The following PCDHGA1 variants were observed in gnomAD, a reference collection of about 807,000 sequenced individuals.
PCDHGA1 encodes the protein protocadherin gamma-A1.
Under a neutral mutation model 58.0 loss-of-function variants are expected in PCDHGA1, and 32 were observed. That is an observed-to-expected ratio of 0.55 (90% CI 0.42 to 0.74). PCDHGA1 has a LOEUF of 0.74. Among genes scored for constraint, PCDHGA1 ranks in the 30% least tolerant of loss-of-function variants. The pLI, the probability that PCDHGA1 is intolerant of heterozygous loss-of-function variation, is 0.00. For synonymous variants in PCDHGA1, 498 were observed against 501.1 expected (o/e 0.99, Z 0.08); for missense variants, 1,205 against 1,182.3 (o/e 1.02, Z -0.28).
rs750919254 is a variant in PCDHGA1 at position 141,340,715 on chromosome 5, G to A, written c.2421+7610G>A. 9.9e-6 allele frequency: 16 copies of A among 1,613,914 alleles called. No homozygotes were observed. The East Asian group carries it at 2.9e-4, about 29-fold the overall frequency. ...TGGCGTGGAGCTGGCGCCCCGCTCC[G>A]CAGAGCCCGGCTACCTGGTGACCAA... On this transcript the variant is annotated intron_variant, in intron 1 of 3. Coordinates refer to ENST00000517417, the MANE Select transcript of PCDHGA1 (RefSeq NM_018912.3).
chr5:141,492,632 C>G (rs1359761285), intron 1 of PCDHGA1, among the ~76,000 whole-genome samples: 1 of 152,256 alleles, frequency 6.6e-6, no homozygotes, highest in Non-Finnish European at 1.5e-5. Flanking sequence ...CAGGACTCTA[C>G]GATCCTTGGG....
Position 141,405,169 on chromosome 5 carries a change from C to G in PCDHGA1, c.2421+72064C>G, listed in dbSNP as rs377298438. 12 of 1,614,004 alleles carry G rather than the reference C, an allele frequency of 7.4e-6. No homozygotes were observed. The African/African-American group carries it at 1.6e-4, about 22-fold the overall frequency. On this transcript the variant is annotated intron_variant, in intron 1 of 3. Coordinates refer to ENST00000517417, the MANE Select transcript of PCDHGA1 (RefSeq NM_018912.3). ...GGTTGGCTGGTGTGCCCACCTCACA[C>G]TTTGTGGGTGTAGATGGGGTTCGAG...
intron 1 of PCDHGA1, chr5:141,441,945 G>A: frequency 3.0e-6 from 1 of 333,884 alleles, no homozygotes; most frequent in Non-Finnish European, 5.8e-6. Flanking sequence ...ACCACGTGCT[G>A]CAGGCCAGCA....
At chr5:141,364,533 C>T (rs1296809092) in intron 1 of PCDHGA1, 2 of 1,614,094 alleles carry the variant, frequency 1.2e-6, no homozygotes, top group Non-Finnish European at 1.7e-6. Flanking sequence ...CGCATCGTCT[C>T]CAGAGGTAGG....
intron 1 of PCDHGA1, chr5:141,392,860 T>C (rs726684): frequency 6.2e-7 from 1 of 1,612,118 alleles, no homozygotes; most frequent in Non-Finnish European, 8.5e-7. Flanking sequence ...CTGATCCTGC[T>C]GTGCGCGCTG....
At chr5:141,414,061 T>C in intron 1 of PCDHGA1, 1 of 1,609,248 alleles carries the variant, frequency 6.2e-7, no homozygotes, top group Non-Finnish European at 8.5e-7. Flanking sequence ...ATTGTTGAAG[T>C]TCCAACTAAA....
At chr5:141,371,656 C>T (rs772257649) in intron 1 of PCDHGA1, 6 of 1,613,886 alleles carry the variant, frequency 3.7e-6, no homozygotes, top group African/African-American at 1.3e-5. Context: ...TACAATGTGA[C>T]GATCACAGCT....
chr5:141,498,509 C>T (rs2099784058), intron 2 of PCDHGA1, among the ~76,000 whole-genome samples: 1 of 151,740 alleles, frequency 6.6e-6, no homozygotes, highest in East Asian at 1.9e-4. Flanking sequence ...TCCCTCCCCA[C>T]CATCTTGCCC....
intron 1 of PCDHGA1, chr5:141,409,742 G>T (rs763304955): frequency 5.0e-6 from 8 of 1,612,988 alleles, no homozygotes; most frequent in African/African-American, 1.3e-5. Flanking sequence ...GAGCGGGGTG[G>T]TGTTCGCGCA....
chr5:141,387,491 A>C (rs1049616816), intron 1 of PCDHGA1, among the ~76,000 whole-genome samples: 1 of 152,240 alleles, frequency 6.6e-6, no homozygotes, highest in African/African-American at 2.4e-5. Flanking sequence ...GGCATTCCTA[A>C]GAGTACATTT....
intron 3 of PCDHGA1, 61 bp downstream of exon 3, chr5:141,505,542 A>C: frequency 2.6e-5 from 42 of 1,604,950 alleles, no homozygotes; most frequent in Non-Finnish European, 3.2e-5. Flanking sequence ...GGTGCATCTC[A>C]CAGCCACCAT....
chr5:141,490,869 A>G lies in PCDHGA1; in HGVS notation c.2422-3938A>G, dbSNP rs764138126. ...GGGTTCGAGACTCCGGCTCTCCCCCATTGCATGCCAACACATCTCTGCATG... is the reference window on the plus strand; with the variant it reads ...GGGTTCGAGACTCCGGCTCTCCCCCGTTGCATGCCAACACATCTCTGCATG... On this transcript the variant is annotated intron_variant, in intron 1 of 3. Transcript: ENST00000517417. This position sits in a 1 kb window ranked among gnomAD's most constrained non-coding sequence, Gnocchi z 5.4. 4.3e-6 allele frequency: 7 copies of G among 1,613,784 alleles called. No homozygotes were observed. The highest frequency in any genetic ancestry group is 1.7e-5 in the Admixed American group (1 of 60,004).
In PCDHGA1 at chr5:141,491,729, C is replaced by T. The variant is rs766649819; in HGVS notation, c.2422-3078C>T. On this transcript the variant is annotated intron_variant, in intron 1 of 3. Coordinates refer to ENST00000517417, the MANE Select transcript of PCDHGA1 (RefSeq NM_018912.3). This position sits in a 1 kb window ranked among gnomAD's most constrained non-coding sequence, Gnocchi z 6.9. ...AGGGGCTCGGCGCCGCCCCGGGCGA[C>T]CCCTGGGGGCGGCACTGGAGAAGCC... 6.1e-5 allele frequency: 98 copies of T among 1,603,832 alleles called. No homozygotes were observed. Among genetic ancestry groups the T allele is most frequent in the Non-Finnish European group, 7.9e-5 (93 of 1,175,848 alleles).
At position 141,433,251 on chromosome 5, in the gene PCDHGA1, C is replaced by T. The variant is rs1022165468; in HGVS notation, c.2422-61556C>T. The T allele has an allele frequency of 1.1e-5, 16 of 1,423,126 alleles. No homozygotes were observed. In the East Asian group the frequency reaches 3.7e-4, roughly 33 times the overall value. 88.2% of individuals were successfully genotyped at this position (1,423,126 alleles called of 1,614,324 possible). A position where few individuals can be genotyped will look rare whatever the true frequency, so the allele number is the denominator to read the frequency against. ...CTCTGTCTCCCAAGCTGGAATGCAGCGGTACGATCATAGCTCACTGCAGCC... is the reference window on the plus strand; with the variant it reads ...CTCTGTCTCCCAAGCTGGAATGCAGTGGTACGATCATAGCTCACTGCAGCC... On this transcript the variant is annotated intron_variant, in intron 1 of 3. Transcript: ENST00000517417.
At chr5:141,423,264 C>G (rs1452323474) in intron 1 of PCDHGA1, 1 of 1,613,986 alleles carries the variant, frequency 6.2e-7, no homozygotes. Flanking sequence ...TCGGCAGCCT[C>G]GAGTCTCTGG....
intron 1 of PCDHGA1, among the ~76,000 whole-genome samples, chr5:141,481,676 G>A (rs975849679): frequency 3.3e-5 from 5 of 152,028 alleles, no homozygotes; most frequent in Admixed American, 1.3e-4. Flanking sequence ...AAATCAGGCC[G>A]GGCCTGGTGG....
At position 141,402,613 on chromosome 5, in the gene PCDHGA1, A is replaced by G. The variant is rs145557523; in HGVS notation, c.2421+69508A>G. Among the ~76,000 whole-genome samples the G allele has an allele frequency of 3.8e-3, 581 of 152,376 alleles. 6 individuals are homozygous for G. Among genetic ancestry groups the G allele is most frequent in the Admixed American group, 0.011 (170 of 15,298 alleles). The stretch of plus-strand genomic sequence containing the variant: ...AGATTGCTTTTGAAATACAAATGCA[A>G]GAAACAATTGGAGAAATCTAAAATC... On this transcript the variant is annotated intron_variant, in intron 1 of 3. Coordinates refer to ENST00000517417, the MANE Select transcript of PCDHGA1 (RefSeq NM_018912.3).
In PCDHGA1 at chr5:141,511,345, TCC is replaced by T; in HGVS notation, c.*178_*179del. 1 of 1,410,484 alleles carries T rather than the reference TCC, an allele frequency of 7.1e-7. No homozygotes were observed. The highest frequency in any genetic ancestry group is 9.4e-7 in the Non-Finnish European group (1 of 1,060,658). The allele number at this position is 1,410,484 out of a possible 1,614,324, so 87.4% of individuals were successfully genotyped here. On this transcript the variant is annotated 3_prime_UTR_variant, in exon 4 of 4. Coordinates refer to ENST00000517417, the MANE Select transcript of PCDHGA1 (RefSeq NM_018912.3). ...AAGTGCCCAGTCAGCACCTACCCCT[TCC>T]CCCCCAGGGGGTTGAATATGCAAAA... is the stretch of plus-strand genomic sequence containing the variant.
At chr5:141,333,486 A>C in intron 1 of PCDHGA1, 1 of 316,610 alleles carries the variant, frequency 3.2e-6, no homozygotes, top group Non-Finnish European at 5.7e-6. Flanking sequence ...CTATTTTCAA[A>C]TTTTCTTTTT....
Sources: gnomAD v4.1 joint callset for allele counts (sites outside exome capture counted in the v4.1 genomes callset) on GRCh38, gnomAD v4.1.1 for gene constraint, Gnocchi (gnomAD v3.1) non-coding constraint, MANE v1.5 for transcripts, NCBI Gene and HGNC (gene_info 2026-07-23, HGNC 2026-07-21) for gene names.